Variants in SCHIP1 observed in about 807,000 individuals in gnomAD.
SCHIP1 encodes the protein schwannomin-interacting protein 1.
SCHIP1 carries 8 observed loss-of-function variants against 29.7 expected under a neutral mutation model. The ratio of observed to expected loss-of-function variants is 0.27; its 90% CI spans 0.16 to 0.49. The LOEUF is 0.49. Among genes scored for constraint, SCHIP1 ranks in the 20% least tolerant of loss-of-function variants. SCHIP1 has a pLI of 0.99. For synonymous variants in SCHIP1, 76 were observed against 94.9 expected (o/e 0.80, Z 1.16); for missense variants, 193 against 294.6 (o/e 0.66, Z 2.52).
chr3:159,887,415 G>A (rs539494874), intron 3 of SCHIP1: 24 of 334,850 alleles, frequency 7.2e-5, no homozygotes, highest in African/African-American at 3.7e-4. Context: ...ATTTTGTTAT[G>A]TCTGTTCACT....
At chr3:159,502,814 G>A in the SCHIP1 span, among the ~76,000 whole-genome samples, 1 of 152,174 alleles carries the variant, frequency 6.6e-6, no homozygotes, top group African/African-American at 2.4e-5. Flanking sequence ...CTCTTAATTA[G>A]ACAGATTTGC....
upstream of SCHIP1, chr3:159,839,749 C>CTCCCTCTCCCTCGCTCTGTCCT: frequency 4.6e-6 from 2 of 435,142 alleles, no homozygotes; most frequent in Non-Finnish European, 7.3e-6. Context: ...GTGTCTGTCC[C>CTCCCTCTCCCTCGCTCTGTCCT]TCTCCCTCTC....
the SCHIP1 span, among the ~76,000 whole-genome samples, chr3:159,595,150 C>T: frequency 6.6e-6 from 1 of 152,122 alleles, no homozygotes; most frequent in Non-Finnish European, 1.5e-5. Context: ...GGGCAGACCC[C>T]ACACTGCTGA....
the SCHIP1 span, among the ~76,000 whole-genome samples, chr3:159,651,083 TA>T: frequency 2.0e-5 from 3 of 152,162 alleles, no homozygotes; most frequent in African/African-American, 7.2e-5. Flanking sequence ...GTAAAGTCCT[TA>T]AAAAACCTGA....
the SCHIP1 span, among the ~76,000 whole-genome samples, chr3:159,575,110 C>T: frequency 6.6e-6 from 1 of 152,158 alleles, no homozygotes; most frequent in African/African-American, 2.4e-5. Flanking sequence ...TGGGCTGCAC[C>T]CACTGTCCAA....
chr3:159,727,584 T>C, the SCHIP1 span, among the ~76,000 whole-genome samples: 1 of 152,168 alleles, frequency 6.6e-6, no homozygotes, highest in Non-Finnish European at 1.5e-5. Flanking sequence ...TGCTTAAGCA[T>C]AGCAATAAAG....
the SCHIP1 span, among the ~76,000 whole-genome samples, chr3:159,346,808 C>T: frequency 1.4e-4 from 21 of 152,086 alleles, no homozygotes; most frequent in Non-Finnish European, 1.9e-4. Context: ...TTTTGTAAAA[C>T]GTTAATGTGT....
At chr3:159,312,681 A>G in the SCHIP1 span, among the ~76,000 whole-genome samples, 1 of 152,116 alleles carries the variant, frequency 6.6e-6, no homozygotes, top group Non-Finnish European at 1.5e-5. Context: ...AGGCAGAATG[A>G]GGAAATCTGA....
At chr3:159,814,899 C>T in the SCHIP1 span, among the ~76,000 whole-genome samples, 2 of 152,120 alleles carry the variant, frequency 1.3e-5, no homozygotes, top group Non-Finnish European at 2.9e-5. Flanking sequence ...GAGTGTCATG[C>T]GACAGGAGGA....
the SCHIP1 span, among the ~76,000 whole-genome samples, chr3:159,572,801 T>A: frequency 3.3e-5 from 5 of 152,228 alleles, no homozygotes; most frequent in African/African-American, 1.2e-4. Context: ...GGTGCTCCTG[T>A]ATTGGGTGCA....
At chr3:159,887,413 A>G (rs1190106262) in intron 3 of SCHIP1, 2 of 321,450 alleles carry the variant, frequency 6.2e-6, no homozygotes, top group South Asian at 8.4e-5. Flanking sequence ...ATATTTTGTT[A>G]TGTCTGTTCA....
At chr3:159,459,149 C>T in the SCHIP1 span, among the ~76,000 whole-genome samples, 2 of 152,086 alleles carry the variant, frequency 1.3e-5, no homozygotes, top group Admixed American at 6.6e-5. Context: ...TCTGCATACT[C>T]GGCACTCAAT....
chr3:159,535,807 C>G, the SCHIP1 span, among the ~76,000 whole-genome samples: 1 of 152,104 alleles, frequency 6.6e-6, no homozygotes, highest in Non-Finnish European at 1.5e-5. Flanking sequence ...GTTGCTTTCT[C>G]ATATTATTTG....
At chr3:159,736,365 A>G in the SCHIP1 span, among the ~76,000 whole-genome samples, 432 of 152,330 alleles carry the variant, frequency 2.8e-3, 2 homozygotes, top group African/African-American at 9.7e-3. Context: ...CCCCAAGGCA[A>G]GTGTTTCTGT....
intron 6 of SCHIP1, chr3:159,892,457 G>T: frequency 1.7e-6 from 1 of 576,108 alleles, no homozygotes; most frequent in South Asian, 2.3e-5. Flanking sequence ...GTCTAGTTCT[G>T]GTTTTGGAGG....
At chr3:159,328,413 GGGAACTGA>G in the SCHIP1 span, among the ~76,000 whole-genome samples, 1 of 152,128 alleles carries the variant, frequency 6.6e-6, no homozygotes, top group African/African-American at 2.4e-5. Flanking sequence ...ACACTGTTGT[GGGAACTGA>G]GGATAGGGTG....
chr3:159,324,015 C>G, the SCHIP1 span, among the ~76,000 whole-genome samples: 1 of 152,032 alleles, frequency 6.6e-6, no homozygotes, highest in African/African-American at 2.4e-5. Flanking sequence ...TTAGTGTTTA[C>G]CTTCCCGGAT....
the SCHIP1 span, among the ~76,000 whole-genome samples, chr3:159,650,262 T>C: frequency 6.6e-6 from 1 of 151,976 alleles, no homozygotes; most frequent in African/African-American, 2.4e-5. Context: ...TTTGAAATAA[T>C]GAAAAAAGGG....
chr3:159,720,987 TAC>T, the SCHIP1 span, among the ~76,000 whole-genome samples: 1 of 152,216 alleles, frequency 6.6e-6, no homozygotes, highest in African/African-American at 2.4e-5. Flanking sequence ...TAAAAATATA[TAC>T]AGTTTTGCTT....
Sources: gnomAD v4.1 joint callset for allele counts (sites outside exome capture counted in the v4.1 genomes callset) on GRCh38, gnomAD v4.1.1 for gene constraint, MANE v1.5 for transcripts, NCBI Gene and HGNC (gene_info 2026-07-23, HGNC 2026-07-21) for gene names.